Variants in MIR2052HG observed in about 807,000 individuals in gnomAD.
MIR2052HG encodes the protein MIR2052 host gene.
At chr8:74,646,970 A>C (rs939268994) in intron 2 of MIR2052HG, among the ~76,000 whole-genome samples, 1 of 152,024 alleles carries the variant, frequency 6.6e-6, no homozygotes, top group African/African-American at 2.4e-5. Flanking sequence ...TAAATAGATC[A>C]TAATCAAATC....
intron 4 of MIR2052HG, among the ~76,000 whole-genome samples, chr8:74,736,805 A>G (rs187279135): frequency 1.2e-4 from 18 of 152,156 alleles, no homozygotes; most frequent in Non-Finnish European, 1.9e-4. Context: ...CTCATTTCCT[A>G]TAAGTGGAGG....
chr8:74,746,808 A>T (rs1563545490), intron 4 of MIR2052HG, among the ~76,000 whole-genome samples: 1 of 152,110 alleles, frequency 6.6e-6, no homozygotes. Context: ...CACTGGCAGG[A>T]TTGAAAAAGG....
intron 2 of MIR2052HG, among the ~76,000 whole-genome samples, chr8:74,651,267 T>A (rs1808748840): frequency 6.6e-6 from 1 of 152,064 alleles, no homozygotes; most frequent in Non-Finnish European, 1.5e-5. Flanking sequence ...TTATTGACAA[T>A]TTTTGAATAT....
intron 2 of MIR2052HG, among the ~76,000 whole-genome samples, chr8:74,616,741 T>C (rs1808287726): frequency 6.6e-6 from 1 of 152,164 alleles, no homozygotes; most frequent in African/African-American, 2.4e-5. Flanking sequence ...CTTTCCCTCG[T>C]ACTCTGTCTT....
chr8:74,754,997 T>C (rs1178885188), intron 5 of MIR2052HG, among the ~76,000 whole-genome samples: 1 of 152,204 alleles, frequency 6.6e-6, no homozygotes, highest in African/African-American at 2.4e-5. Flanking sequence ...ATTCCACTTT[T>C]GGAGACAACT....
chr8:74,611,973 C>A (rs994841499), intron 1 of MIR2052HG, among the ~76,000 whole-genome samples: 2 of 152,182 alleles, frequency 1.3e-5, no homozygotes, highest in Non-Finnish European at 2.9e-5. Flanking sequence ...ACAACCAAAG[C>A]CTGGGATTCA....
intron 2 of MIR2052HG, among the ~76,000 whole-genome samples, chr8:74,673,887 G>GTATATATATATATATATA (rs61228134): frequency 6.6e-5 from 8 of 121,658 alleles, no homozygotes; most frequent in African/African-American, 2.7e-4. Flanking sequence ...GTATTTTTTT[G>GTATATATATATATATATA]TATATATATA....
At chr8:74,741,317 C>T (rs969221990) in intron 4 of MIR2052HG, among the ~76,000 whole-genome samples, 2 of 152,194 alleles carry the variant, frequency 1.3e-5, no homozygotes, top group Non-Finnish European at 2.9e-5. Context: ...TAAAAATTTT[C>T]CTGTACAGAA....
intron 2 of MIR2052HG, among the ~76,000 whole-genome samples, chr8:74,696,531 G>T (rs1471372497): frequency 1.3e-5 from 2 of 151,854 alleles, no homozygotes; most frequent in East Asian, 3.9e-4. Flanking sequence ...TTAAACAAAA[G>T]ATGTTTTTTG....
chr8:74,719,856 T>C (rs1388989203), intron 4 of MIR2052HG, among the ~76,000 whole-genome samples: 1 of 134,172 alleles, frequency 7.5e-6, no homozygotes, highest in African/African-American at 3.3e-5. Context: ...TTTCTTTTTT[T>C]TTTTTTTTTT....
chr8:74,690,681 T>TA (rs1223412011), intron 2 of MIR2052HG, among the ~76,000 whole-genome samples: 1 of 151,586 alleles, frequency 6.6e-6, no homozygotes, highest in East Asian at 1.9e-4. Context: ...AAATAAAAAT[T>TA]AAAAAATTAA....
At chr8:74,644,165 C>T (rs1244766960) in intron 2 of MIR2052HG, among the ~76,000 whole-genome samples, 1 of 152,200 alleles carries the variant, frequency 6.6e-6, no homozygotes, top group Non-Finnish European at 1.5e-5. Flanking sequence ...CTTTCCCCTC[C>T]ATATGTCACA....
At chr8:74,614,996 T>A (rs963316218) in intron 2 of MIR2052HG, 4 of 152,206 alleles carry the variant, frequency 2.6e-5, no homozygotes, top group Non-Finnish European at 5.9e-5. Flanking sequence ...TAATTTGACT[T>A]TGCTTTAGGT....
chr8:74,741,063 TATCA>T (rs1232744498), intron 4 of MIR2052HG, among the ~76,000 whole-genome samples: 1 of 152,230 alleles, frequency 6.6e-6, no homozygotes, highest in African/African-American at 2.4e-5. Flanking sequence ...TTTATCAATC[TATCA>T]ACACATAATC....
At chr8:74,730,084 A>C (rs269179) in intron 4 of MIR2052HG, among the ~76,000 whole-genome samples, 99,016 of 151,948 alleles carry the variant, frequency 0.65, 33,879 homozygotes, top group African/African-American at 0.87. Flanking sequence ...CTAATATACA[A>C]CCCCTGCCTT....
intron 1 of MIR2052HG, chr8:74,612,544 T>C (rs974203918): frequency 4.6e-6 from 1 of 218,658 alleles, no homozygotes. Flanking sequence ...TGCTCGTTAC[T>C]AGGTAATTTA....
intron 2 of MIR2052HG, among the ~76,000 whole-genome samples, chr8:74,636,796 T>G (rs1808586481): frequency 6.6e-6 from 1 of 152,098 alleles, no homozygotes; most frequent in African/African-American, 2.4e-5. Context: ...CAAAATACCT[T>G]TTATGTGTTA....
At chr8:74,654,272 A>G (rs918485657) in intron 2 of MIR2052HG, among the ~76,000 whole-genome samples, 1 of 152,140 alleles carries the variant, frequency 6.6e-6, no homozygotes. Context: ...CTCATGAGGA[A>G]TCTACAAAGG....
intron 2 of MIR2052HG, among the ~76,000 whole-genome samples, chr8:74,616,546 G>A (rs993693281): frequency 2.6e-5 from 4 of 151,302 alleles, no homozygotes; most frequent in African/African-American, 4.9e-5. Context: ...CTCTGAGGAC[G>A]TTATGTTTAT....
Sources: gnomAD v4.1 joint callset for allele counts (sites outside exome capture counted in the v4.1 genomes callset) on GRCh38, gnomAD v4.1.1 for gene constraint, MANE v1.5 for transcripts, NCBI Gene and HGNC (gene_info 2026-07-23, HGNC 2026-07-21) for gene names.